The following ZNF25 variants were observed in gnomAD, a reference collection of about 807,000 sequenced individuals.
ZNF25 encodes the protein zinc finger protein 25, also known as zinc finger protein 25 (KOX 19).
A neutral mutation model predicts 30.9 loss-of-function variants in ZNF25; 21 were observed. The observed-to-expected ratio is 0.68, with a 90% CI of 0.48 to 0.98. The LOEUF (loss-of-function observed/expected upper bound fraction) is 0.98, where lower values mean the gene tolerates loss of function less well. Among genes scored for constraint, ZNF25 ranks in the 50% least tolerant of loss-of-function variants. ZNF25 has a pLI of 0.00. For missense variants in ZNF25, 501 were observed against 529.9 expected (o/e 0.95, Z 0.54); for synonymous variants, 169 against 181.3 (o/e 0.93, Z 0.55).
chr10:37,953,829 G>A, intron 4 of ZNF25, 71 bp from the exon 5 acceptor site: 2 of 1,372,616 alleles, frequency 1.5e-6, no homozygotes, highest in East Asian at 2.3e-5. Context: ...TTGATTCTTA[G>A]GCTTCAGGCC....
In ZNF25 at chr10:37,964,003, G is replaced by C. The variant is rs1397086251; in HGVS notation, c.16-6457C>G. ...AAATAAATAAGCAAATAAATAAAGA[G>C]TCTAGGACCTACCCCTTATCTCTCT... On this transcript the variant is annotated intron_variant, in intron 2 of 5. Transcript: ENST00000302609. 2.0e-5 allele frequency among the ~76,000 whole-genome samples: 3 copies of C among 152,000 alleles called. No individual in the cohort carries two copies. The East Asian group carries it at 5.8e-4, about 30-fold the overall frequency.
rs928861191 is a variant in ZNF25 at position 37,952,227 on chromosome 10, T to G, written c.1271A>C (p.Lys424Thr). 2 of 1,614,134 alleles carry G rather than the reference T, an allele frequency of 1.2e-6. No homozygotes were observed. Among genetic ancestry groups the G allele is most frequent in the Admixed American group, 3.3e-5 (2 of 60,018 alleles). Reference sequence around the variant, plus strand: ...CCCACACTCCTGACACTCATAGGGCTTCTCCCCTGTGTGTTTTCTCTGATG... The same window carrying G: ...CCCACACTCCTGACACTCATAGGGCGTCTCCCCTGTGTGTTTTCTCTGATG... Reference protein sequence around the residue: ...IIHQRKHTGEKPYECQECGET... With the variant: ...IIHQRKHTGETPYECQECGET... Residue 424 changes from lysine to threonine, a missense_variant, in exon 6 of 6, where the codon AAG becomes ACG. Coordinates refer to ENST00000302609, the MANE Select transcript of ZNF25 (RefSeq NM_145011.4).
chr10:37,952,078 CTGAT>C lies in ZNF25; in HGVS notation c.*45_*48del. The C allele has an allele frequency of 2.0e-6, 3 of 1,493,362 alleles. No individual in the cohort carries two copies. Among genetic ancestry groups the C allele is most frequent in the Non-Finnish European group, 2.7e-6 (3 of 1,113,274 alleles). 92.5% of individuals were successfully genotyped at this position (1,493,362 alleles called of 1,614,324 possible). On this transcript the variant is annotated 3_prime_UTR_variant, in exon 6 of 6. Transcript: ENST00000302609. ...AAGGTGTACCTCTTGTGTGAATTAT[CTGAT>C]TGTTTTGAAGGATTAATTCAGTCAA...
At position 37,953,054 on chromosome 10, in the gene ZNF25, A is replaced by G; in HGVS notation, c.444T>C (p.Cys148=). The G allele has an allele frequency of 2.5e-6, 4 of 1,613,906 alleles. No individual in the cohort carries two copies. Among genetic ancestry groups the G allele is most frequent in the Non-Finnish European group, 3.4e-6 (4 of 1,179,990 alleles). ...TAGAGAAAGATTTCCCACATTTATC[A>G]CAGTCATAGGATTTGCCCTTTGAGT... The part of the protein sequence containing the change: ...HTHSKGKSYD[C]DKCGKSFSKN... The change falls in exon 6 of 6, where the codon TGT becomes TGC. Residue 148 remains cysteine, a synonymous_variant. Transcript: ENST00000302609.
chr10:37,956,908 T>A, intron 4 of ZNF25, 112 bp downstream of exon 4: 1 of 723,438 alleles, frequency 1.4e-6, no homozygotes, highest in Non-Finnish European at 2.2e-6. Flanking sequence ...AGAGTGAAAC[T>A]CTGTTTCAAA....
chr10:37,963,698 G>A (rs773334822), intron 2 of ZNF25, among the ~76,000 whole-genome samples: 16 of 152,190 alleles, frequency 1.1e-4, no homozygotes, highest in African/African-American at 2.7e-4. Flanking sequence ...TCTGGCACCA[G>A]GCGTGGTGGC....
intron 4 of ZNF25, 83 bp downstream of exon 4, chr10:37,956,937 G>A: frequency 6.6e-6 from 5 of 759,836 alleles, no homozygotes; most frequent in Middle Eastern, 2.5e-4. Context: ...AAAAAAAAGT[G>A]AGAGATTGCC....
In ZNF25 at chr10:37,957,421, C is replaced by G. The variant is rs1340389882; in HGVS notation, c.141G>C (p.Val47=). The G allele has an allele frequency of 1.2e-6, 2 of 1,611,754 alleles. No homozygotes were observed. The highest frequency in any genetic ancestry group is 1.7e-5 in the Admixed American group (1 of 59,646). Residue 47 remains valine, a splice_region_variant and synonymous_variant, in exon 3 of 6, where the codon GTG becomes GTC. Transcript: ENST00000302609. ...TACACCTGGGGAAGTTTTCCTCACCCACTGAGACAAGGTGACTATAGTTTT... is the reference window on the plus strand; with the variant it reads ...TACACCTGGGGAAGTTTTCCTCACCGACTGAGACAAGGTGACTATAGTTTT... ...MLENYSHLVS[V]GYHVNKPNAV...
At chr10:37,960,410 C>T (rs1437409231) in intron 2 of ZNF25, among the ~76,000 whole-genome samples, 5 of 146,070 alleles carry the variant, frequency 3.4e-5, no homozygotes, top group Admixed American at 6.9e-5. Context: ...GTCAGGAGAT[C>T]GAGACCATCC....
chr10:37,958,093 C>T (rs2062641012), intron 2 of ZNF25, among the ~76,000 whole-genome samples: 1 of 152,092 alleles, frequency 6.6e-6, no homozygotes, highest in Non-Finnish European at 1.5e-5. Flanking sequence ...ATAACATATC[C>T]CTGTCACTAA....
chr10:37,959,473 T>G (rs2062725160), intron 2 of ZNF25, among the ~76,000 whole-genome samples: 1 of 152,192 alleles, frequency 6.6e-6, no homozygotes, highest in Non-Finnish European at 1.5e-5. Flanking sequence ...TTTTCATTCC[T>G]TCACTTTTAT....
At chr10:37,958,041 T>C (rs911380458) in intron 2 of ZNF25, among the ~76,000 whole-genome samples, 44 of 152,324 alleles carry the variant, frequency 2.9e-4, no homozygotes, top group African/African-American at 9.9e-4. Flanking sequence ...AAGGACACTC[T>C]ATGATGTTTG....
intron 2 of ZNF25, among the ~76,000 whole-genome samples, chr10:37,961,750 C>T (rs1409377104): frequency 3.3e-5 from 5 of 150,730 alleles, no homozygotes; most frequent in Admixed American, 2.0e-4. Context: ...GGAAAAACCC[C>T]GTCTCTATTA....
chr10:37,974,320 T>C (rs1050730181), intron 1 of ZNF25, among the ~76,000 whole-genome samples: 6 of 151,968 alleles, frequency 3.9e-5, no homozygotes, highest in Non-Finnish European at 5.9e-5. Context: ...AAGTAAGCAA[T>C]AACAGTGAAA....
At chr10:37,971,506 G>T (rs1228353498) in intron 2 of ZNF25, among the ~76,000 whole-genome samples, 1 of 151,982 alleles carries the variant, frequency 6.6e-6, no homozygotes, top group Admixed American at 6.6e-5. Context: ...GGAGCTCCCA[G>T]GGATCTGCAG....
At chr10:37,954,863 A>G (rs941726294) in intron 4 of ZNF25, among the ~76,000 whole-genome samples, 13 of 152,162 alleles carry the variant, frequency 8.5e-5, no homozygotes, top group African/African-American at 2.9e-4. Flanking sequence ...AAATAAGATC[A>G]TATGTATAAG....
chr10:37,952,814 T>C lies in ZNF25; in HGVS notation c.684A>G (p.Lys228=). 6.2e-7 allele frequency: 1 copy of C among 1,613,778 alleles called. No individual in the cohort carries two copies. The highest frequency in any genetic ancestry group is 1.1e-5 in the South Asian group (1 of 91,052). The part of the protein sequence containing the change: ...TEHQKTHTGE[K]PFECTECGKF... The stretch of plus-strand genomic sequence containing the variant: ...TCCCACATTCAGTACATTCAAAAGG[T>C]TTCTCCCCTGTGTGTGTTTTCTGAT... The change falls in exon 6 of 6, where the codon AAA becomes AAG. Residue 228 remains lysine, a synonymous_variant. Transcript: ENST00000302609.
At chr10:37,967,684 A>G (rs1036044161) in intron 2 of ZNF25, among the ~76,000 whole-genome samples, 1 of 152,220 alleles carries the variant, frequency 6.6e-6, no homozygotes, top group Non-Finnish European at 1.5e-5. Flanking sequence ...TTAGGATTAC[A>G]GGCATGAGCC....
chr10:37,968,189 C>T (rs1022245563), intron 2 of ZNF25, among the ~76,000 whole-genome samples: 33 of 151,976 alleles, frequency 2.2e-4, no homozygotes, highest in Non-Finnish European at 4.7e-4. Flanking sequence ...TCCCAAGTAG[C>T]TGTGACTACA....
Sources: allele counts gnomAD v4.1 joint callset (sites outside exome capture counted in the v4.1 genomes callset), GRCh38; gene constraint gnomAD v4.1.1; transcripts MANE v1.5; gene names NCBI Gene and HGNC (gene_info 2026-07-23, HGNC 2026-07-21).